The following LOXHD1 variants were observed in gnomAD, a reference collection of about 807,000 sequenced individuals.
LOXHD1 encodes lipoxygenase homology domain-containing protein 1.
LOXHD1 carries 205 observed loss-of-function variants against 248.2 expected under a neutral mutation model. The observed-to-expected ratio is 0.83, with a 90% CI of 0.74 to 0.93. The LOEUF (loss-of-function observed/expected upper bound fraction) is 0.93. Ranked by LOEUF, LOXHD1 falls within the 40% of genes least tolerant of loss-of-function variation. The pLI is 0.00. For synonymous variants in LOXHD1, 1,113 were observed against 1,162.8 expected (o/e 0.96, Z 0.87); for missense variants, 2,930 against 2,971.6 (o/e 0.99, Z 0.33).
chr18:46,484,892 G>A, intron 39 of LOXHD1, 127 bp downstream of exon 39: 1 of 1,147,612 alleles, frequency 8.7e-7, no homozygotes, highest in Non-Finnish European at 1.2e-6. Flanking sequence ...CACACAGTAG[G>A]TGCTCAGTAA....
intron 23 of LOXHD1, chr18:46,544,721 C>T: frequency 2.3e-6 from 1 of 436,266 alleles, no homozygotes; most frequent in African/African-American, 2.0e-5. Context: ...TTGAACCAAT[C>T]AGACAAGCTT....
intron 8 of LOXHD1, among the ~76,000 whole-genome samples, chr18:46,594,672 T>A (rs1232014274): frequency 1.3e-5 from 2 of 152,232 alleles, no homozygotes; most frequent in Non-Finnish European, 2.9e-5. Context: ...ATCACCCATC[T>A]TCCAATTAGC....
intron 12 of LOXHD1, among the ~76,000 whole-genome samples, chr18:46,580,849 GC>G (rs943423902): frequency 2.6e-5 from 4 of 152,186 alleles, no homozygotes; most frequent in African/African-American, 9.6e-5. Context: ...AAGTGCAAAG[GC>G]CCCTGTGTGT....
At chr18:46,543,021 T>G (rs935307438) in intron 23 of LOXHD1, among the ~76,000 whole-genome samples, 166 bp from the exon 24 acceptor site, 2 of 152,240 alleles carry the variant, frequency 1.3e-5, no homozygotes, top group African/African-American at 4.8e-5. Context: ...GTGGGCATTT[T>G]AAAAAATTTT....
chr18:46,551,339 G>A (rs894495978), intron 21 of LOXHD1, among the ~76,000 whole-genome samples: 5 of 151,828 alleles, frequency 3.3e-5, no homozygotes, highest in Non-Finnish European at 7.4e-5. Flanking sequence ...TCCTGACCTT[G>A]TGATCCACCC....
At chr18:46,486,731 G>A (rs987408447) in intron 38 of LOXHD1, among the ~76,000 whole-genome samples, 12 of 152,144 alleles carry the variant, frequency 7.9e-5, no homozygotes, top group Non-Finnish European at 1.0e-4. Context: ...GCATATCACC[G>A]TGATGGACTC....
intron 19 of LOXHD1, 35 bp downstream of exon 19, chr18:46,560,048 T>TCCTTCCCCCCCCCCCC: frequency 1.6e-6 from 2 of 1,226,296 alleles, no homozygotes. Flanking sequence ...GTCTGGCCAC[T>TCCTTCCCCCCCCCCCC]CCCTCCCCAC....
At chr18:46,646,395 T>A (rs1260829118) in intron 2 of LOXHD1, among the ~76,000 whole-genome samples, 1 of 152,198 alleles carries the variant, frequency 6.6e-6, no homozygotes, top group Non-Finnish European at 1.5e-5. Context: ...CCATCTTGAA[T>A]AGAAAGGTCT....
At chr18:46,542,706 C>T (rs552145224) in intron 24 of LOXHD1, 21 bp downstream of exon 24, 2 of 1,551,376 alleles carry the variant, frequency 1.3e-6, no homozygotes, top group African/African-American at 1.4e-5. Flanking sequence ...TAGCAAGGAA[C>T]AGAGGGGAGG....
chr18:46,518,301 C>T lies in LOXHD1; in HGVS notation c.5272-45G>A, dbSNP rs756428738. 1.1e-5 allele frequency: 17 copies of T among 1,542,750 alleles called. No homozygotes were observed. The South Asian group carries it at 2.0e-4, about 18-fold the overall frequency. On this transcript the variant is annotated intron_variant, in intron 33 of 40. Coordinates refer to ENST00000642948, the MANE Select transcript of LOXHD1 (RefSeq NM_001384474.1). ...GGTGCTGAGTCTCAGCCTCACCCTC[C>T]AACCCCACCTGACCTGCCTCAGTCT...
At chr18:46,524,950 G>A (rs1285357169) in intron 29 of LOXHD1, 33 bp from the exon 30 acceptor site, 16 of 1,549,208 alleles carry the variant, frequency 1.0e-5, no homozygotes, top group Non-Finnish European at 1.4e-5. Context: ...CTCATATGGG[G>A]GTGTGCCACC....
chr18:46,656,882 C>T, intron 1 of LOXHD1, 22 bp downstream of exon 1: 2 of 1,549,776 alleles, frequency 1.3e-6, no homozygotes, highest in Non-Finnish European at 1.7e-6. Flanking sequence ...CCACCCGCCC[C>T]CCGCAGGCTG....
At chr18:46,478,879 G>A (rs1327642116) in intron 40 of LOXHD1, among the ~76,000 whole-genome samples, 2 of 152,064 alleles carry the variant, frequency 1.3e-5, no homozygotes, top group Non-Finnish European at 2.9e-5. Context: ...ATATATTTTT[G>A]TAGAGATAGG....
At chr18:46,511,413 C>A (rs2034955212) in intron 34 of LOXHD1, among the ~76,000 whole-genome samples, 1 of 152,186 alleles carries the variant, frequency 6.6e-6, no homozygotes, top group African/African-American at 2.4e-5. Flanking sequence ...TTCATCTACT[C>A]AAAGGATCCT....
At position 46,521,293 on chromosome 18, in the gene LOXHD1, A is replaced by G. The variant is rs1285629715; in HGVS notation, c.5086-11T>C. On this transcript the variant is annotated splice_polypyrimidine_tract_variant and intron_variant, in intron 32 of 40. Transcript: ENST00000642948. ...CCCGTCATGGCCCAGCTAGGAGGAG[A>G]CACACCTGATCTGTGACGATCTGGG... is the stretch of plus-strand genomic sequence containing the variant. 1 of 1,551,546 alleles carries G rather than the reference A, an allele frequency of 6.4e-7. No homozygotes were observed. The highest frequency in any genetic ancestry group is 2.0e-5 in the Admixed American group (1 of 50,994).
chr18:46,601,693 C>T (rs552119352), intron 7 of LOXHD1: 50 of 558,886 alleles, frequency 8.9e-5, no homozygotes, highest in South Asian at 5.4e-4. Flanking sequence ...GAGAATAAAC[C>T]GCACGTATTA....
At chr18:46,562,800 G>A in intron 18 of LOXHD1, among the ~76,000 whole-genome samples, 1 of 152,186 alleles carries the variant, frequency 6.6e-6, no homozygotes, top group Non-Finnish European at 1.5e-5. Context: ...TGCCTGGTAT[G>A]GGGCGTGCAC....
rs188554662 is a variant in LOXHD1, at chr18:46,579,722, C to T, written c.1717G>A (p.Val573Ile). Residue 573 changes from valine (V) to isoleucine (I), a missense_variant, in exon 13 of 41, where the codon GTC becomes ATC. Val to Ile is a conservative substitution (Grantham distance 29, BLOSUM62 3). Transcript: ENST00000642948. Reference protein sequence around the residue: ...ELEGAGTDANVYLCLFGDVGD... With the variant: ...ELEGAGTDANIYLCLFGDVGD... ...ACATCACCAAAAAGGCAGAGATAGACGTTGGCATCGGTCCCAGCACCTTCA... is the reference window on the plus strand; with the variant it reads ...ACATCACCAAAAAGGCAGAGATAGATGTTGGCATCGGTCCCAGCACCTTCA... 97 of 1,551,806 alleles carry T rather than the reference C, an allele frequency of 6.3e-5. No homozygotes were observed. Among genetic ancestry groups the T allele is most frequent in the African/African-American group, 6.1e-4 (45 of 73,176 alleles).
Position 46,649,241 on chromosome 18 carries a change from A to C in LOXHD1, c.159T>G (p.Asp53Glu), listed in dbSNP as rs980201296. Residue 53 changes from aspartate (D) to glutamate (E), a missense_variant, in exon 2 of 41, where the codon GAT becomes GAG. Physicochemically the swap from Asp to Glu is conservative, Grantham distance 45. Transcript: ENST00000642948. ...RVYEVVTATG[D>E]VRGAGTDANV... ...TGGCATCCGTCCCTGCACCGCGAAC[A>C]TCCCCCGTGGCTGTGACCACTTCAT... 18 of 1,551,748 alleles carry C rather than the reference A, an allele frequency of 1.2e-5. No individual in the cohort carries two copies. The highest frequency in any genetic ancestry group is 1.5e-5 in the Non-Finnish European group (17 of 1,147,032).
Sources: gnomAD v4.1 joint callset for allele counts (sites outside exome capture counted in the v4.1 genomes callset) on GRCh38, gnomAD v4.1.1 for gene constraint, MANE v1.5 for transcripts, NCBI Gene and HGNC (gene_info 2026-07-23, HGNC 2026-07-21) for gene names.